NEDD4L: variants seen among roughly 807,000 people sequenced by gnomAD.
NEDD4L encodes E3 ubiquitin-protein ligase NEDD4-like.
In NEDD4L, 54 loss-of-function variants were observed where a neutral mutation model predicts 148.9. The ratio of observed to expected loss-of-function variants is 0.36; its 90% CI spans 0.29 to 0.45. The LOEUF is 0.45. NEDD4L is among the 20% of genes least tolerant of loss of function. The pLI is 1.00. For synonymous variants in NEDD4L, 433 were observed against 440.7 expected (o/e 0.98, Z 0.22); for missense variants, 856 against 1,233.8 (o/e 0.69, Z 4.59).
intron 18 of NEDD4L, among the ~76,000 whole-genome samples, chr18:58,353,802 A>G (rs1170554171): frequency 6.6e-6 from 1 of 152,224 alleles, no homozygotes; most frequent in Non-Finnish European, 1.5e-5. Flanking sequence ...CATAATGCCT[A>G]CAGGACAGGA....
chr18:58,180,322 C>T (rs1040978530), intron 2 of NEDD4L, among the ~76,000 whole-genome samples: 2 of 152,198 alleles, frequency 1.3e-5, no homozygotes, highest in African/African-American at 4.8e-5. Flanking sequence ...CCCGGGTGCA[C>T]AGTCCTTGGC....
intron 2 of NEDD4L, among the ~76,000 whole-genome samples, chr18:58,206,006 C>T (rs2041946834): frequency 6.6e-6 from 1 of 152,168 alleles, no homozygotes. Flanking sequence ...ACAATGGCTT[C>T]CTTAATTCCT....
In NEDD4L at chr18:58,175,653, A is replaced by G. The variant is rs148857105; in HGVS notation, c.122+9792A>G. On this transcript the variant is annotated intron_variant, in intron 2 of 30. Coordinates refer to ENST00000400345, the MANE Select transcript of NEDD4L (RefSeq NM_001144967.3). ...ATCCCTGCACCAAATAGCTTGTGCAATTACTCCTGTGAGAGCCCCAGAGGA... is the reference window on the plus strand; with the variant it reads ...ATCCCTGCACCAAATAGCTTGTGCAGTTACTCCTGTGAGAGCCCCAGAGGA... Among the ~76,000 whole-genome samples, 168 of 152,378 alleles carry G rather than the reference A, an allele frequency of 1.1e-3. 1 individual carries two copies. Among genetic ancestry groups the G allele is most frequent in the Middle Eastern group, 6.8e-3 (2 of 294 alleles).
intron 5 of NEDD4L, among the ~76,000 whole-genome samples, chr18:58,279,348 AATGG>A (rs1441603081): frequency 1.3e-5 from 2 of 152,248 alleles, no homozygotes; most frequent in East Asian, 3.8e-4. Context: ...AGAAGACACA[AATGG>A]ATAAAAGCTA....
intron 2 of NEDD4L, among the ~76,000 whole-genome samples, chr18:58,220,144 A>G (rs1225372788): frequency 6.6e-6 from 1 of 152,170 alleles, no homozygotes; most frequent in South Asian, 2.1e-4. Flanking sequence ...GCTGGGCACG[A>G]TGGCTCATGC....
Position 58,366,258 on chromosome 18 carries a change from C to T in NEDD4L, c.2063+30C>T. ...GTATATGGCCACACCCAGTGTGTGT[C>T]CCCCACTGAGACAGTTGTATGAATT... On this transcript the variant is annotated intron_variant, in intron 21 of 30. Transcript: ENST00000400345. This position sits in a 1 kb window ranked among gnomAD's most constrained non-coding sequence, Gnocchi z 4.2. 7.0e-7 allele frequency: 1 copy of T among 1,427,156 alleles called. No individual in the cohort carries two copies. The highest frequency in any genetic ancestry group is 9.6e-7 in the Non-Finnish European group (1 of 1,043,480). 88.4% of individuals were successfully genotyped at this position (1,427,156 alleles called of 1,614,324 possible).
chr18:58,220,651 C>T (rs1363185389), intron 2 of NEDD4L, among the ~76,000 whole-genome samples: 7 of 152,172 alleles, frequency 4.6e-5, no homozygotes, highest in Non-Finnish European at 2.9e-5. Context: ...AGCATGCCAC[C>T]ACATTTGAGT....
At chr18:58,074,664 A>T (rs575229609) in intron 1 of NEDD4L, among the ~76,000 whole-genome samples, 20 of 152,066 alleles carry the variant, frequency 1.3e-4, no homozygotes, top group Non-Finnish European at 2.6e-4. Flanking sequence ...TATCTGCCTG[A>T]TGGATGGCTT....
At chr18:58,130,564 G>A (rs867820066) in intron 1 of NEDD4L, among the ~76,000 whole-genome samples, 12 of 127,412 alleles carry the variant, frequency 9.4e-5, no homozygotes, top group South Asian at 3.0e-4. Flanking sequence ...GTGATCTAGC[G>A]GAACTGTGGC....
At chr18:58,379,181 A>G (rs569550679) in intron 24 of NEDD4L, among the ~76,000 whole-genome samples, 1 of 152,312 alleles carries the variant, frequency 6.6e-6, no homozygotes, top group African/African-American at 2.4e-5. Flanking sequence ...ACTGCTCACC[A>G]GGGAGCAGGG....
chr18:58,232,957 G>C (rs1454941099), intron 2 of NEDD4L, among the ~76,000 whole-genome samples: 1 of 152,126 alleles, frequency 6.6e-6, no homozygotes, highest in Non-Finnish European at 1.5e-5. Context: ...TATTTTAAGC[G>C]TTCTTAGGGC....
chr18:58,271,544 C>A (rs915769962), intron 5 of NEDD4L, among the ~76,000 whole-genome samples: 1 of 152,100 alleles, frequency 6.6e-6, no homozygotes, highest in Non-Finnish European at 1.5e-5. Flanking sequence ...TTAAAAGTTA[C>A]CCTTTTAGAG....
intron 5 of NEDD4L, among the ~76,000 whole-genome samples, chr18:58,261,381 T>C (rs761247751): frequency 6.6e-6 from 1 of 152,220 alleles, no homozygotes; most frequent in Non-Finnish European, 1.5e-5. Context: ...TGGTATAGAC[T>C]GAGGCTTTTG....
chr18:58,297,775 G>T (rs894746165), intron 5 of NEDD4L, among the ~76,000 whole-genome samples: 1 of 152,174 alleles, frequency 6.6e-6, no homozygotes, highest in African/African-American at 2.4e-5. Context: ...AGCCCCTGCT[G>T]TGCCTGTTCT....
At chr18:58,272,166 C>T (rs1470579038) in intron 5 of NEDD4L, among the ~76,000 whole-genome samples, 1 of 151,900 alleles carries the variant, frequency 6.6e-6, no homozygotes, top group Non-Finnish European at 1.5e-5. Context: ...CTTTCCAGAC[C>T]TATTTTATGT....
intron 16 of NEDD4L, among the ~76,000 whole-genome samples, chr18:58,347,413 G>T (rs755681115): frequency 6.6e-6 from 1 of 152,070 alleles, no homozygotes; most frequent in Non-Finnish European, 1.5e-5. Flanking sequence ...AGGGTCCCCC[G>T]CTGGTTGTGG....
At chr18:58,332,547 C>T (rs1293708124) in intron 11 of NEDD4L, among the ~76,000 whole-genome samples, 1 of 152,080 alleles carries the variant, frequency 6.6e-6, no homozygotes, top group Non-Finnish European at 1.5e-5. Flanking sequence ...ACTCAGGAGG[C>T]CAAGGCCCAA....
At chr18:58,146,957 G>A (rs915924574) in intron 1 of NEDD4L, among the ~76,000 whole-genome samples, 1 of 152,208 alleles carries the variant, frequency 6.6e-6, no homozygotes, top group Non-Finnish European at 1.5e-5. Context: ...TGACGAGAAG[G>A]ACACGTGGGT....
chr18:58,289,709 A>G lies in NEDD4L; in HGVS notation c.298-26273A>G, dbSNP rs149416023. On this transcript the variant is annotated intron_variant, in intron 5 of 30. Coordinates refer to ENST00000400345, the MANE Select transcript of NEDD4L (RefSeq NM_001144967.3). ...TCCACTTGACACCGCATCACCACCA[A>G]GTATTTATTGAGTGTCTTTGGTGTG... 4.8e-4 allele frequency among the ~76,000 whole-genome samples: 73 copies of G among 152,322 alleles called. No individual in the cohort carries two copies. In the East Asian group the frequency reaches 9.4e-3, roughly 20 times the overall value.
Sources: allele counts gnomAD v4.1 joint callset (sites outside exome capture counted in the v4.1 genomes callset), GRCh38; gene constraint gnomAD v4.1.1; non-coding constraint Gnocchi (gnomAD v3.1); transcripts MANE v1.5; gene names NCBI Gene and HGNC (gene_info 2026-07-23, HGNC 2026-07-21).